Variants in BRI3BP observed in about 807,000 individuals in gnomAD.
BRI3BP encodes BRI3 binding protein.
In BRI3BP, 7 loss-of-function variants were observed where a neutral mutation model predicts 15.8. The ratio of observed to expected loss-of-function variants is 0.44; its 90% CI spans 0.25 to 0.83. The LOEUF (loss-of-function observed/expected upper bound fraction) is 0.83, where lower values mean the gene tolerates loss of function less well. Ranked by LOEUF, BRI3BP falls within the 40% of genes least tolerant of loss-of-function variation. The pLI, the probability that BRI3BP is intolerant of heterozygous loss-of-function variation, is 0.20. For synonymous variants in BRI3BP, 192 were observed against 163.5 expected (o/e 1.17, Z -1.33); for missense variants, 320 against 339.3 (o/e 0.94, Z 0.45).
rs745507337 is a variant in BRI3BP at position 125,025,154 on chromosome 12, C to T, written c.480C>T (p.Ile160=). Residue 160 remains isoleucine, a synonymous_variant, in exon 3 of 3, where the codon ATC becomes ATT. Transcript: ENST00000341446. Reference sequence around the variant, plus strand: ...TGGTGTTCGGCCGCTTCTTCTGGATCGTGCGGGTCGTCCTGTTTTCCATGT... The same window carrying T: ...TGGTGTTCGGCCGCTTCTTCTGGATTGTGCGGGTCGTCCTGTTTTCCATGT... ...LHVVFGRFFW[I]VRVVLFSMSC... is the part of the protein sequence containing the mutation. The T allele has an allele frequency of 1.9e-6, 3 of 1,614,146 alleles. No individual in the cohort carries two copies. The highest frequency in any genetic ancestry group is 2.5e-6 in the Non-Finnish European group (3 of 1,180,038).
chr12:125,042,004 T>C, the BRI3BP span, among the ~76,000 whole-genome samples: 1 of 152,172 alleles, frequency 6.6e-6, no homozygotes, highest in Admixed American at 6.5e-5. Context: ...CTTTTGCGTA[T>C]CACTTTAAAA....
the BRI3BP span, among the ~76,000 whole-genome samples, chr12:125,050,206 T>C: frequency 1.3e-5 from 2 of 151,802 alleles, no homozygotes; most frequent in East Asian, 3.9e-4. Context: ...AAAAATTAGC[T>C]GGGCATGGTG....
chr12:125,020,883 T>A (rs12817010), intron 2 of BRI3BP, among the ~76,000 whole-genome samples: 4 of 40,334 alleles, frequency 9.9e-5, no homozygotes, highest in Non-Finnish European at 1.8e-4. Context: ...CTGTCTCAAA[T>A]AAATAAATAA....
chr12:125,018,214 C>T (rs1321842051), intron 2 of BRI3BP, among the ~76,000 whole-genome samples: 3 of 152,184 alleles, frequency 2.0e-5, no homozygotes, highest in African/African-American at 7.2e-5. Flanking sequence ...ACCCGACCCA[C>T]GCTGAGGAAC....
intron 2 of BRI3BP, among the ~76,000 whole-genome samples, chr12:125,019,185 T>C (rs149437616): frequency 8.5e-4 from 129 of 152,268 alleles, no homozygotes; most frequent in African/African-American, 3.0e-3. Flanking sequence ...TACTTGGCCA[T>C]GGCAGCGCTA....
the BRI3BP span, among the ~76,000 whole-genome samples, chr12:125,047,838 A>G: frequency 6.6e-6 from 1 of 151,874 alleles, no homozygotes; most frequent in African/African-American, 2.4e-5. Flanking sequence ...CTGGGATTAC[A>G]GGCGCATGCC....
chr12:125,022,259 T>C (rs1043815480), intron 2 of BRI3BP, among the ~76,000 whole-genome samples: 2 of 152,018 alleles, frequency 1.3e-5, no homozygotes, highest in Non-Finnish European at 2.9e-5. Context: ...TAACTCTCCT[T>C]GAACTCATTA....
At chr12:125,012,909 C>T (rs773334255) in intron 2 of BRI3BP, among the ~76,000 whole-genome samples, 10 of 151,844 alleles carry the variant, frequency 6.6e-5, no homozygotes, top group Non-Finnish European at 1.3e-4. Flanking sequence ...GAGATCCCAT[C>T]TCTATAAAAA....
Position 124,994,085 on chromosome 12 carries a change from G to A in BRI3BP, c.213+82G>A, listed in dbSNP as rs1307651898. On this transcript the variant is annotated intron_variant, in intron 1 of 2. Coordinates refer to ENST00000341446, the MANE Select transcript of BRI3BP (RefSeq NM_080626.6). ...ACCGGGGCCGACCTGGGAGGAGCGCGGCCTCCGGGGCTGCCCGCCCGGCCA... is the reference window on the plus strand; with the variant it reads ...ACCGGGGCCGACCTGGGAGGAGCGCAGCCTCCGGGGCTGCCCGCCCGGCCA... The A allele has an allele frequency of 6.3e-6, 6 of 958,640 alleles. No homozygotes were observed. The East Asian group carries it at 1.8e-4, about 29-fold the overall frequency. The allele number at this position is 958,640 out of a possible 1,614,324, so 59.4% of individuals were successfully genotyped here.
At position 125,012,609 on chromosome 12, in the gene BRI3BP, G is replaced by A. The variant is rs769016056; in HGVS notation, c.289G>A (p.Glu97Lys). 3.4e-5 allele frequency: 54 copies of A among 1,610,698 alleles called. No individual in the cohort carries two copies. Among genetic ancestry groups the A allele is most frequent in the South Asian group, 1.2e-4 (11 of 91,006 alleles). ...GGAGACACTGTGGAAAGTCTGGACC[G>A]AGCTCTTGGATGTTCTTGGACTTGA... ...FVETLWKVWT[E>K]LLDVLGLDVS... Residue 97 changes from glutamate (E) to lysine (K), a missense_variant, in exon 2 of 3, where the codon GAG (glutamate) becomes AAG (lysine). Coordinates refer to ENST00000341446, the MANE Select transcript of BRI3BP (RefSeq NM_080626.6).
intron 2 of BRI3BP, among the ~76,000 whole-genome samples, chr12:125,014,508 C>G (rs7977531): frequency 2.0e-5 from 3 of 152,086 alleles, no homozygotes; most frequent in Non-Finnish European, 2.9e-5. Context: ...CAGGCCAGGC[C>G]CAAGCTTCAG....
intron 1 of BRI3BP, among the ~76,000 whole-genome samples, chr12:125,004,284 A>G (rs1229341794): frequency 1.3e-5 from 2 of 152,080 alleles, no homozygotes; most frequent in Non-Finnish European, 2.9e-5. Context: ...ATGATCCCCC[A>G]GCCTTCTCCC....
Position 125,025,048 on chromosome 12 carries a change from C to CT in BRI3BP, c.374_375insT (p.Leu126AlafsTer170). On this transcript the variant is annotated frameshift_variant, in exon 3 of 3. Coordinates refer to ENST00000341446, the MANE Select transcript of BRI3BP (RefSeq NM_080626.6). LOFTEE classifies it high-confidence loss of function. Reference sequence around the variant, plus strand: ...TCGGTGTCCAGCAGCCCGGCCCGCGCGCTCCTGCTGGTCGGCGTCGTCCTC... The same window carrying CT: ...TCGGTGTCCAGCAGCCCGGCCCGCGCTGCTCCTGCTGGTCGGCGTCGTCCTC... The CT allele has an allele frequency of 6.2e-7, 1 of 1,613,466 alleles. No homozygotes were observed. The highest frequency in any genetic ancestry group is 8.5e-7 in the Non-Finnish European group (1 of 1,180,008).
At chr12:125,035,394 C>CTTTTTTT (rs55943185), downstream of BRI3BP, among the ~76,000 whole-genome samples, 1 of 131,938 alleles carries the variant, frequency 7.6e-6, no homozygotes, top group African/African-American at 2.7e-5. Context: ...TAGGTATTGT[C>CTTTTTTT]TTTTTTTTTT....
intron 2 of BRI3BP, among the ~76,000 whole-genome samples, chr12:125,023,687 C>T (rs1332198718): frequency 6.6e-6 from 1 of 152,184 alleles, no homozygotes; most frequent in Non-Finnish European, 1.5e-5. Context: ...GCTGGGACTA[C>T]AGGTGTGTGC....
chr12:125,014,359 C>G (rs1565904845), intron 2 of BRI3BP, among the ~76,000 whole-genome samples: 1 of 152,178 alleles, frequency 6.6e-6, no homozygotes, highest in Non-Finnish European at 1.5e-5. Flanking sequence ...GGCAGGGTTC[C>G]TAAGACCATC....
chr12:125,050,669 G>C, the BRI3BP span, among the ~76,000 whole-genome samples: 1 of 152,240 alleles, frequency 6.6e-6, no homozygotes, highest in African/African-American at 2.4e-5. Flanking sequence ...CTTGCTCTTG[G>C]AGGCACATAA....
At chr12:125,049,426 G>A in the BRI3BP span, among the ~76,000 whole-genome samples, 1 of 151,890 alleles carries the variant, frequency 6.6e-6, no homozygotes, top group Non-Finnish European at 1.5e-5. Context: ...ATACGCATAC[G>A]GAAGAATAAA....
rs61379857 is a variant in BRI3BP, at chr12:124,993,835, CCTGCTG to C, written c.69_74del (p.Leu24_Leu25del). ...GCGGGCCCCTGGCCCGGGCCGGGCT[CCTGCTG>C]CTGCTGCTGCTGCTGCTGCTGCTCG... On this transcript the variant is annotated inframe_deletion, in exon 1 of 3. Coordinates refer to ENST00000341446, the MANE Select transcript of BRI3BP (RefSeq NM_080626.6). 1.1e-4 allele frequency: 121 copies of C among 1,148,682 alleles called. No individual in the cohort carries two copies. The highest frequency in any genetic ancestry group is 3.7e-4 in the South Asian group (11 of 29,564). 71.2% of individuals were successfully genotyped at this position (1,148,682 alleles called of 1,614,324 possible).
Sources: allele counts gnomAD v4.1 joint callset (sites outside exome capture counted in the v4.1 genomes callset), GRCh38; gene constraint gnomAD v4.1.1; transcripts MANE v1.5; gene names NCBI Gene and HGNC (gene_info 2026-07-23, HGNC 2026-07-21).